COL4A3: variants seen among roughly 807,000 people sequenced by gnomAD.
COL4A3 encodes collagen type IV alpha 3 chain.
In COL4A3, 135 loss-of-function variants were observed where a neutral mutation model predicts 217.4. The ratio of observed to expected loss-of-function variants is 0.62; its 90% CI spans 0.54 to 0.72. The LOEUF is 0.72. COL4A3 is among the 30% of genes least tolerant of loss of function. The probability of loss-of-function intolerance (pLI) is 0.00; values close to 1 mark genes in which losing one functional copy is unlikely to be tolerated. For synonymous variants in COL4A3, 690 were observed against 736.3 expected (o/e 0.94, Z 1.02); for missense variants, 1,868 against 2,119.9 (o/e 0.88, Z 2.33).
intron 1 of COL4A3, among the ~76,000 whole-genome samples, chr2:227,235,480 A>G (rs2068640257): frequency 6.6e-6 from 1 of 152,172 alleles, no homozygotes; most frequent in African/African-American, 2.4e-5. Context: ...ATTGGGGAAC[A>G]GGTGGTGTTT....
chr2:227,215,096 C>A (rs576499672), intron 1 of COL4A3, among the ~76,000 whole-genome samples: 10 of 151,936 alleles, frequency 6.6e-5, no homozygotes, highest in Non-Finnish European at 1.0e-4. Context: ...ACTTTTCTAG[C>A]AGTGCATTTT....
intron 1 of COL4A3, among the ~76,000 whole-genome samples, chr2:227,234,453 C>G (rs1049470103): frequency 7.2e-5 from 11 of 152,250 alleles, no homozygotes; most frequent in African/African-American, 2.7e-4. Context: ...ATAATTCATA[C>G]ATACAGAAAA....
chr2:227,289,866 C>T lies in COL4A3; in HGVS notation c.2981-133C>T. 1.9e-5 allele frequency: 15 copies of T among 787,802 alleles called. No individual in the cohort carries two copies. In the South Asian group the frequency reaches 2.1e-4, roughly 11 times the overall value. 48.8% of individuals were successfully genotyped at this position (787,802 alleles called of 1,614,324 possible). A position where few individuals can be genotyped will look rare whatever the true frequency, so the allele number is the denominator to read the frequency against. On this transcript the variant is annotated intron_variant, in intron 35 of 51. Coordinates refer to ENST00000396578, the MANE Select transcript of COL4A3 (RefSeq NM_000091.5). ...TCCCTCTTATTTGAAGGAAAAAGGACAGCTAGACAAGTGCCCAAACCAGCC... is the reference window on the plus strand; with the variant it reads ...TCCCTCTTATTTGAAGGAAAAAGGATAGCTAGACAAGTGCCCAAACCAGCC...
At chr2:227,236,017 G>GCC (rs112951009) in intron 1 of COL4A3, among the ~76,000 whole-genome samples, 2,042 of 151,846 alleles carry the variant, frequency 0.013, 21 homozygotes, top group Middle Eastern at 0.021. Flanking sequence ...CAGGTGATCC[G>GCC]CCCCCCTGGG....
intron 1 of COL4A3, among the ~76,000 whole-genome samples, chr2:227,199,642 C>T (rs541066108): frequency 2.2e-4 from 33 of 152,238 alleles, no homozygotes; most frequent in African/African-American, 7.7e-4. Context: ...CGTCCATAAC[C>T]CACAGGCATC....
chr2:227,290,048 G>A lies in COL4A3; in HGVS notation c.3030G>A (p.Leu1010=), dbSNP rs779975470. ...GSTGNPGEPG[L]RGIPGSMGNM... The stretch of plus-strand genomic sequence containing the variant: ...CTGGGAATCCTGGAGAACCAGGACT[G>A]CGTGGTATACCAGGAAGCATGGGGA... Residue 1010 remains leucine, a synonymous_variant, in exon 36 of 52, where the codon CTG becomes CTA. Coordinates refer to ENST00000396578, the MANE Select transcript of COL4A3 (RefSeq NM_000091.5). 2.5e-6 allele frequency: 4 copies of A among 1,614,186 alleles called. No individual in the cohort carries two copies. Among genetic ancestry groups the A allele is most frequent in the East Asian group, 2.2e-5 (1 of 44,888 alleles).
rs1193172222 is a variant in COL4A3, at chr2:227,282,301, T to TATATA, written c.2489-64_2489-63insATATA. ...ATATATATATATATATATATATATA[T>TATATA]TTCTGAAGTTAGTAGGGGAAAGCAT... On this transcript the variant is annotated intron_variant, in intron 31 of 51. Coordinates refer to ENST00000396578, the MANE Select transcript of COL4A3 (RefSeq NM_000091.5). The surrounding 1 kb of genome is among the most constrained non-coding windows in gnomAD (Gnocchi z 4.4). 30 of 869,820 alleles carry TATATA rather than the reference T, an allele frequency of 3.4e-5. No homozygotes were observed. The highest frequency in any genetic ancestry group is 4.1e-5 in the Non-Finnish European group (23 of 555,844). The allele number at this position is 869,820 out of a possible 1,614,324, so 53.9% of individuals were successfully genotyped here.
intron 1 of COL4A3, among the ~76,000 whole-genome samples, chr2:227,229,652 C>G (rs558862986): frequency 6.6e-6 from 1 of 152,160 alleles, no homozygotes; most frequent in South Asian, 2.1e-4. Context: ...TTATTGAGTG[C>G]AGGGTACCAG....
chr2:227,292,929 C>T (rs1324844075), intron 37 of COL4A3, among the ~76,000 whole-genome samples: 1 of 152,114 alleles, frequency 6.6e-6, no homozygotes, highest in African/African-American at 2.4e-5. Flanking sequence ...AGAAGGGCCT[C>T]CACACTTGGT....
chr2:227,189,857 A>G (rs2125697846), intron 1 of COL4A3, among the ~76,000 whole-genome samples: 1 of 152,188 alleles, frequency 6.6e-6, no homozygotes, highest in Non-Finnish European at 1.5e-5. Context: ...TCATCCTAAG[A>G]TTGCTTTCCC....
At chr2:227,267,940 C>T (rs2071009942) in intron 23 of COL4A3, among the ~76,000 whole-genome samples, 1 of 152,210 alleles carries the variant, frequency 6.6e-6, no homozygotes, top group Non-Finnish European at 1.5e-5. Flanking sequence ...CTGCTTTCGA[C>T]CTCCCCGTCT....
Position 227,164,875 on chromosome 2 carries a change from G to A in COL4A3, c.87+62G>A. 2 of 1,424,158 alleles carry A rather than the reference G, an allele frequency of 1.4e-6. No homozygotes were observed. The highest frequency in any genetic ancestry group is 1.8e-6 in the Non-Finnish European group (2 of 1,095,254). The allele number at this position is 1,424,158 out of a possible 1,614,324, so 88.2% of individuals were successfully genotyped here. A position where few individuals can be genotyped will look rare whatever the true frequency, so the allele number is the denominator to read the frequency against. On this transcript the variant is annotated intron_variant, in intron 1 of 51. Transcript: ENST00000396578. The surrounding 1 kb of genome is among the most constrained non-coding windows in gnomAD (Gnocchi z 4.8). ...CCATCCCTCCTCCACGCGTCCGGGGGACGCGCTGGCCCCACCCGCAGCGGC... is the reference window on the plus strand; with the variant it reads ...CCATCCCTCCTCCACGCGTCCGGGGAACGCGCTGGCCCCACCCGCAGCGGC...
chr2:227,217,193 C>T (rs1208701462), intron 1 of COL4A3, among the ~76,000 whole-genome samples: 1 of 152,196 alleles, frequency 6.6e-6, no homozygotes, highest in Non-Finnish European at 1.5e-5. Flanking sequence ...AAACCATCAG[C>T]TCTCATGAGA....
At chr2:227,183,716 C>G (rs2065928725) in intron 1 of COL4A3, among the ~76,000 whole-genome samples, 1 of 152,170 alleles carries the variant, frequency 6.6e-6, no homozygotes, top group Non-Finnish European at 1.5e-5. Flanking sequence ...ATTATTCTTT[C>G]CTACTTCTGG....
chr2:227,185,338 A>G (rs976652730), intron 1 of COL4A3, among the ~76,000 whole-genome samples: 1 of 152,184 alleles, frequency 6.6e-6, no homozygotes, highest in Admixed American at 6.5e-5. Context: ...GTGCTTTGAC[A>G]CAGGGCTTTT....
At chr2:227,196,846 C>T (rs926006649) in intron 1 of COL4A3, among the ~76,000 whole-genome samples, 2 of 152,228 alleles carry the variant, frequency 1.3e-5, no homozygotes, top group South Asian at 2.1e-4. Flanking sequence ...ATAGCCTAAG[C>T]GTATAGTAGT....
At chr2:227,293,110 T>A (rs2072848582) in intron 37 of COL4A3, 81 bp from the exon 38 acceptor site, 2 of 1,575,868 alleles carry the variant, frequency 1.3e-6, no homozygotes, top group Non-Finnish European at 1.7e-6. Context: ...AATGAAAAAA[T>A]TAGTGAATAA....
intron 4 of COL4A3, 126 bp from the exon 5 acceptor site, chr2:227,244,825 T>C (rs1263776043): frequency 2.1e-6 from 2 of 972,840 alleles, no homozygotes; most frequent in Non-Finnish European, 3.3e-6. Flanking sequence ...CCCAATCGTT[T>C]CGAGCTATTC....
intron 6 of COL4A3, 163 bp downstream of exon 6, chr2:227,246,179 C>T (rs569999527): frequency 2.6e-5 from 18 of 684,222 alleles, no homozygotes; most frequent in African/African-American, 1.2e-4. Flanking sequence ...TTTCTTTCTT[C>T]GCATTCCTTG....
Sources: allele counts gnomAD v4.1 joint callset (sites outside exome capture counted in the v4.1 genomes callset), GRCh38; gene constraint gnomAD v4.1.1; non-coding constraint Gnocchi (gnomAD v3.1); transcripts MANE v1.5; gene names NCBI Gene and HGNC (gene_info 2026-07-23, HGNC 2026-07-21).